The following KCNU1 variants were observed in gnomAD, a reference collection of about 807,000 sequenced individuals.
KCNU1 encodes potassium channel subfamily U member 1.
A neutral mutation model predicts 126.8 loss-of-function variants in KCNU1; 93 were observed. The ratio of observed to expected loss-of-function variants is 0.73; its 90% CI spans 0.62 to 0.87. KCNU1 has a LOEUF of 0.87. Ranked by LOEUF, KCNU1 falls within the 40% of genes least tolerant of loss-of-function variation. KCNU1 has a pLI of 0.00. For synonymous variants in KCNU1, 523 were observed against 494.2 expected (o/e 1.06, Z -0.77); for missense variants, 1,330 against 1,367.1 (o/e 0.97, Z 0.43).
At position 36,858,014 on chromosome 8, in the gene KCNU1, T is replaced by G. The variant is rs142944626; in HGVS notation, c.1892-6390T>G. The stretch of plus-strand genomic sequence containing the variant: ...GAGATTTTCAATGTGTGTTTGTTTA[T>G]GTTTTGATAATTTCACTAGTTAGGG... On this transcript the variant is annotated intron_variant, in intron 18 of 26. Transcript: ENST00000399881. Among the ~76,000 whole-genome samples, 1,026 of 152,250 alleles carry G rather than the reference T, an allele frequency of 6.7e-3. 5 individuals carry two copies. The highest frequency in any genetic ancestry group is 0.027 in the Middle Eastern group (8 of 294).
At chr8:36,790,296 A>G (rs1384540843) in intron 2 of KCNU1, among the ~76,000 whole-genome samples, 6 of 152,208 alleles carry the variant, frequency 3.9e-5, no homozygotes, top group African/African-American at 1.4e-4. Flanking sequence ...TTAAAAAGTT[A>G]TTTTGATAAA....
chr8:36,923,844 G>C (rs138499126), intron 24 of KCNU1, among the ~76,000 whole-genome samples: 3 of 152,164 alleles, frequency 2.0e-5, no homozygotes, highest in Non-Finnish European at 4.4e-5. Flanking sequence ...GGTTGCTTAC[G>C]AAAGGTTTAA....
chr8:36,910,959 T>A lies in KCNU1; in HGVS notation c.2361T>A (p.His787Gln). The A allele has an allele frequency of 1.9e-6, 3 of 1,612,814 alleles. No homozygotes were observed. The highest frequency in any genetic ancestry group is 2.2e-5 in the South Asian group (2 of 90,854). Residue 787 changes from histidine (H) to glutamine (Q), a missense_variant, in exon 22 of 27, where the codon CAT becomes CAA. Around this residue, in one of 3 missense-constraint regions of KCNU1, gnomAD observed 1,054 missense variants for 1,053.9 expected, o/e 1.00. Coordinates refer to ENST00000399881, the MANE Select transcript of KCNU1 (RefSeq NM_001031836.3). ...PGCALYSGDL[H>Q]AANIEQCSMC... ...GTGCACTTTATTCTGGAGACCTCCA[T>A]GCGGCCAACATAGAGCAATGCTCCA...
chr8:36,882,438 G>A (rs1326193126), intron 19 of KCNU1, among the ~76,000 whole-genome samples: 1 of 152,186 alleles, frequency 6.6e-6, no homozygotes, highest in African/African-American at 2.4e-5. Context: ...TGCAGAGCTA[G>A]AATTTCTGTA....
At chr8:36,793,123 A>G (rs932387464) in intron 2 of KCNU1, among the ~76,000 whole-genome samples, 1 of 148,188 alleles carries the variant, frequency 6.7e-6, no homozygotes, top group Admixed American at 6.9e-5. Flanking sequence ...CAAACATCGC[A>G]TGTTCTCACT....
chr8:36,889,243 G>A (rs371212234), intron 19 of KCNU1: 95 of 534,438 alleles, frequency 1.8e-4, no homozygotes, highest in African/African-American at 1.1e-3. Context: ...CTGAACTACC[G>A]TAAGGATGGT....
At chr8:36,830,606 C>T (rs1024439490) in intron 10 of KCNU1, among the ~76,000 whole-genome samples, 27 of 151,878 alleles carry the variant, frequency 1.8e-4, no homozygotes, top group Admixed American at 2.6e-4. Flanking sequence ...TTATGGGTTG[C>T]TTTAAAGTAT....
chr8:36,880,503 T>C (rs780364028), intron 19 of KCNU1, among the ~76,000 whole-genome samples: 1 of 152,200 alleles, frequency 6.6e-6, no homozygotes, highest in Non-Finnish European at 1.5e-5. Context: ...GCTTTCTGAA[T>C]AATTCCCACC....
chr8:36,802,218 C>A (rs1803338913), intron 2 of KCNU1, among the ~76,000 whole-genome samples: 1 of 151,874 alleles, frequency 6.6e-6, no homozygotes, highest in South Asian at 2.1e-4. Flanking sequence ...AGCCTCTTAC[C>A]CAATCACTTG....
chr8:36,813,695 G>A (rs1248427908), intron 7 of KCNU1, among the ~76,000 whole-genome samples: 2 of 151,578 alleles, frequency 1.3e-5, no homozygotes, highest in Non-Finnish European at 2.9e-5. Context: ...CTGAAAAGAC[G>A]ATTGTGCAAA....
At chr8:36,818,816 C>T (rs1033672574) in intron 10 of KCNU1, among the ~76,000 whole-genome samples, 3 of 152,046 alleles carry the variant, frequency 2.0e-5, no homozygotes, top group African/African-American at 2.4e-5. Context: ...ATGGAATAAC[C>T]GATAGCAGTT....
intron 19 of KCNU1, among the ~76,000 whole-genome samples, chr8:36,877,720 A>G (rs1303700980): frequency 1.3e-5 from 2 of 152,112 alleles, no homozygotes; most frequent in Non-Finnish European, 2.9e-5. Context: ...CTTCTTCTCT[A>G]TTTTTATATC....
At chr8:36,874,262 G>T (rs1031662706) in intron 19 of KCNU1, among the ~76,000 whole-genome samples, 1 of 152,146 alleles carries the variant, frequency 6.6e-6, no homozygotes, top group South Asian at 2.1e-4. Flanking sequence ...AGCCCATCTC[G>T]CTTTAAGCAA....
At chr8:36,827,075 A>G (rs1442996247) in intron 10 of KCNU1, among the ~76,000 whole-genome samples, 5 of 152,074 alleles carry the variant, frequency 3.3e-5, no homozygotes, top group Non-Finnish European at 7.4e-5. Flanking sequence ...TACATTATGC[A>G]CTGATTCCTG....
intron 10 of KCNU1, among the ~76,000 whole-genome samples, chr8:36,822,775 C>G (rs1048836085): frequency 2.0e-5 from 3 of 152,136 alleles, no homozygotes; most frequent in African/African-American, 7.2e-5. Flanking sequence ...GGCTTAGAGA[C>G]TACACAGCAA....
intron 20 of KCNU1, among the ~76,000 whole-genome samples, chr8:36,907,903 T>C (rs190841234): frequency 9.4e-4 from 143 of 152,362 alleles, no homozygotes; most frequent in African/African-American, 3.0e-3. Context: ...ATTTGATTGA[T>C]AGTTATTGAA....
intron 19 of KCNU1, among the ~76,000 whole-genome samples, chr8:36,895,254 T>A (rs1307680607): frequency 6.6e-6 from 1 of 151,892 alleles, no homozygotes; most frequent in Non-Finnish European, 1.5e-5. Flanking sequence ...AATTTTTATA[T>A]TTTTAGTAGA....
At chr8:36,801,485 G>T (rs1803304301) in intron 2 of KCNU1, among the ~76,000 whole-genome samples, 2 of 151,156 alleles carry the variant, frequency 1.3e-5, no homozygotes, top group Non-Finnish European at 2.9e-5. Flanking sequence ...TCCATGGGTT[G>T]GGGGGGTTGT....
chr8:36,922,423 A>T (rs1808386833), intron 23 of KCNU1, 67 bp from the exon 24 acceptor site: 1 of 1,532,348 alleles, frequency 6.5e-7, no homozygotes, highest in Non-Finnish European at 8.8e-7. Flanking sequence ...CTTGGCCTGC[A>T]TGGATGGCAC....
Sources: allele counts gnomAD v4.1 joint callset (sites outside exome capture counted in the v4.1 genomes callset), GRCh38; gene constraint gnomAD v4.1.1; regional missense constraint gnomAD v4.1.1; transcripts MANE v1.5; gene names NCBI Gene and HGNC (gene_info 2026-07-23, HGNC 2026-07-21).